The following PANX3 variants were observed in gnomAD, a reference collection of about 807,000 sequenced individuals.
PANX3 encodes the protein pannexin-3.
In PANX3, 18 loss-of-function variants were observed where a neutral mutation model predicts 31.5. The ratio of observed to expected loss-of-function variants is 0.57; its 90% CI spans 0.39 to 0.85. PANX3 has a LOEUF of 0.85. PANX3 is among the 40% of genes least tolerant of loss of function. The pLI, the probability that PANX3 is intolerant of heterozygous loss-of-function variation, is 0.00. For missense variants in PANX3, 426 were observed against 485.4 expected (o/e 0.88, Z 1.15); for synonymous variants, 194 against 201.6 (o/e 0.96, Z 0.32).
At chr11:124,618,535 C>T (rs936864200) in intron 3 of PANX3, among the ~76,000 whole-genome samples, 23 of 152,346 alleles carry the variant, frequency 1.5e-4, no homozygotes, top group African/African-American at 5.3e-4. Context: ...TACCTGAACA[C>T]CAAAGCTCTC....
rs1013701937 is a variant in PANX3 at position 124,611,492 on chromosome 11, G to A, written c.-65G>A. The A allele has an allele frequency of 4.7e-6, 7 of 1,483,188 alleles. No homozygotes were observed. The highest frequency in any genetic ancestry group is 1.4e-5 in the African/African-American group (1 of 71,840). 91.9% of individuals were successfully genotyped at this position (1,483,188 alleles called of 1,614,324 possible). On this transcript the variant is annotated 5_prime_UTR_variant, in exon 1 of 4. Transcript: ENST00000284288. ...CCAAAGTCAGCTGCCTGAAGCTGCC[G>A]TCTCCTCATTCCACCATCCCAGGAC... is the stretch of plus-strand genomic sequence containing the variant.
intron 2 of PANX3, among the ~76,000 whole-genome samples, chr11:124,614,297 T>G (rs1863128397): frequency 6.6e-6 from 1 of 152,202 alleles, no homozygotes; most frequent in Non-Finnish European, 1.5e-5. Flanking sequence ...GGAGTTGTTT[T>G]GTGCTTGTCA....
intron 1 of PANX3, 30 bp from the exon 2 acceptor site, chr11:124,612,950 G>T (rs749698319): frequency 6.2e-7 from 1 of 1,610,734 alleles, no homozygotes; most frequent in Admixed American, 1.7e-5. Context: ...CTCCAACTCA[G>T]GCGGCCTCAA....
chr11:124,611,615 G>T lies in PANX3; in HGVS notation c.59G>T (p.Arg20Leu). 6.2e-7 allele frequency: 1 copy of T among 1,614,086 alleles called. No homozygotes were observed. The highest frequency in any genetic ancestry group is 1.1e-5 in the South Asian group (1 of 91,056). Residue 20 changes from arginine (R) to leucine (L), a missense_variant, in exon 1 of 4, where the codon CGC (arginine) becomes CTC (leucine). Arg to Leu is a moderately radical substitution (Grantham distance 102). Coordinates refer to ENST00000284288, the MANE Select transcript of PANX3 (RefSeq NM_052959.3). ...YMLSDALLPD[R>L]RGPRLKGLRL... is the part of the protein sequence containing the mutation. ...CTCTCAGATGCCCTGCTGCCTGACC[G>T]CAGGGGACCCCGCCTCAAAGGACTG...
intron 1 of PANX3, among the ~76,000 whole-genome samples, chr11:124,612,448 C>T (rs998189673): frequency 2.0e-5 from 3 of 152,222 alleles, no homozygotes; most frequent in Non-Finnish European, 4.4e-5. Flanking sequence ...CTCCCACCGC[C>T]TCTTTATTCA....
intron 3 of PANX3, among the ~76,000 whole-genome samples, chr11:124,619,001 T>A (rs1487824148): frequency 1.3e-5 from 2 of 152,190 alleles, no homozygotes; most frequent in East Asian, 3.8e-4. Flanking sequence ...TACCTAAAGA[T>A]CCTACTTCAG....
chr11:124,613,497 G>A (rs1237383963), intron 2 of PANX3, among the ~76,000 whole-genome samples: 1 of 152,102 alleles, frequency 6.6e-6, no homozygotes, highest in Non-Finnish European at 1.5e-5. Context: ...AATTAAGCCA[G>A]GCTGCCAACC....
rs752508819 is a variant in PANX3, at chr11:124,619,456, G to A, written c.700G>A (p.Val234Ile). The stretch of plus-strand genomic sequence containing the variant: ...ATACCTTGGTCATTTCCATCTGGAT[G>A]TCTTCTTCCAGGAAGAATTCAGCTG... The part of the protein sequence containing the change: ...YLYLGHFHLD[V>I]FFQEEFSCSI... Residue 234 changes from valine (V) to isoleucine (I), a missense_variant, in exon 4 of 4, where the codon GTC becomes ATC. Physicochemically the swap from Val to Ile is conservative, Grantham distance 29. Coordinates refer to ENST00000284288, the MANE Select transcript of PANX3 (RefSeq NM_052959.3). The A allele has an allele frequency of 6.2e-7, 1 of 1,614,166 alleles. No homozygotes were observed. Among genetic ancestry groups the A allele is most frequent in the Non-Finnish European group, 8.5e-7 (1 of 1,180,050 alleles).
intron 2 of PANX3, among the ~76,000 whole-genome samples, chr11:124,613,826 T>C (rs1863121009): frequency 6.6e-6 from 1 of 152,170 alleles, no homozygotes. Flanking sequence ...ACAGCCTGCC[T>C]GTCCCTGCCT....
chr11:124,613,483 T>G (rs945963681), intron 2 of PANX3, among the ~76,000 whole-genome samples: 3 of 152,042 alleles, frequency 2.0e-5, no homozygotes, highest in Admixed American at 1.3e-4. Flanking sequence ...CGGGGTGCAG[T>G]TGGAATTAAG....
chr11:124,612,967 G>C lies in PANX3; in HGVS notation c.182-13G>C. The C allele has an allele frequency of 1.1e-5, 18 of 1,613,532 alleles. No individual in the cohort carries two copies. The highest frequency in any genetic ancestry group is 1.5e-5 in the Non-Finnish European group (18 of 1,179,648). ...CCAACTCAGGCGGCCTCAAAGCTGT[G>C]TTCCTGTTGCAGGGTCTCCGATCAG... On this transcript the variant is annotated splice_polypyrimidine_tract_variant and intron_variant, in intron 1 of 3. Coordinates refer to ENST00000284288, the MANE Select transcript of PANX3 (RefSeq NM_052959.3).
At chr11:124,613,962 T>TCCTAGTGTCAA (rs1219875517) in intron 2 of PANX3, among the ~76,000 whole-genome samples, 2 of 152,092 alleles carry the variant, frequency 1.3e-5, no homozygotes, top group African/African-American at 4.8e-5. Context: ...CTTATTGTCA[T>TCCTAGTGTCAA]CCTAGTGGGG....
rs267602763 is a variant in PANX3, at chr11:124,611,626, C to A, written c.70C>A (p.Arg24Ser). The A allele has an allele frequency of 1.2e-6, 2 of 1,614,152 alleles. No individual in the cohort carries two copies. The highest frequency in any genetic ancestry group is 3.3e-5 in the Admixed American group (2 of 60,028). Residue 24 changes from arginine to serine, a missense_variant, in exon 1 of 4, where the codon CGC (arginine) becomes AGC (serine). By Grantham distance (110) the Arg-to-Ser change is moderately radical. Transcript: ENST00000284288. ...DALLPDRRGP[R>S]LKGLRLELPL... is the part of the protein sequence containing the mutation. ...CCTGCTGCCTGACCGCAGGGGACCC[C>A]GCCTCAAAGGACTGCGTCTGGAACT... is the stretch of plus-strand genomic sequence containing the variant.
intron 3 of PANX3, 46 bp from the exon 4 acceptor site, chr11:124,619,250 T>G (rs1461282847): frequency 3.2e-6 from 5 of 1,565,402 alleles, no homozygotes; most frequent in Admixed American, 3.6e-5. Context: ...AGAGTATGGT[T>G]CTAAATGGTC....
rs1254430380 is a variant in PANX3, at chr11:124,616,611, C to T, written c.325-663C>T. Among the ~76,000 whole-genome samples, 1 of 152,190 alleles carries T rather than the reference C, an allele frequency of 6.6e-6. No homozygotes were observed. Among genetic ancestry groups the T allele is most frequent in the Non-Finnish European group, 1.5e-5 (1 of 68,040 alleles). On this transcript the variant is annotated intron_variant, in intron 2 of 3. Transcript: ENST00000284288. This position sits in a 1 kb window ranked among gnomAD's most constrained non-coding sequence, Gnocchi z 4.8. ...GCTAATGATGCAGTCATTGAGCAGA[C>T]AAGGCTTATGGATTCCTGAAAGTCA...
At position 124,617,334 on chromosome 11, in the gene PANX3, C is replaced by A; in HGVS notation, c.385C>A (p.Gln129Lys). ...CATGTACCTGCCGGTGCTGCTGTGG[C>A]AGTATGCAGCTGTGCCAGCCCTCAG... ...LLMYLPVLLW[Q>K]YAAVPALSSD... The change falls in exon 3 of 4, where the codon CAG (glutamine) becomes AAG (lysine). Residue 129 changes from glutamine to lysine, a missense_variant. Physicochemically the swap from Gln to Lys is moderately conservative, Grantham distance 53. Transcript: ENST00000284288. 2 of 1,612,224 alleles carry A rather than the reference C, an allele frequency of 1.2e-6. No homozygotes were observed. The highest frequency in any genetic ancestry group is 1.7e-6 in the Non-Finnish European group (2 of 1,180,030).
In PANX3 at chr11:124,619,461, C is replaced by A. The variant is rs756002737; in HGVS notation, c.705C>A (p.Phe235Leu). The change falls in exon 4 of 4, where the codon TTC becomes TTA. Residue 235 changes from phenylalanine to leucine, a missense_variant. Coordinates refer to ENST00000284288, the MANE Select transcript of PANX3 (RefSeq NM_052959.3). Reference protein sequence around the residue: ...LYLGHFHLDVFFQEEFSCSIK... With the variant: ...LYLGHFHLDVLFQEEFSCSIK... Reference sequence around the variant, plus strand: ...TTGGTCATTTCCATCTGGATGTCTTCTTCCAGGAAGAATTCAGCTGCTCCA... The same window carrying A: ...TTGGTCATTTCCATCTGGATGTCTTATTCCAGGAAGAATTCAGCTGCTCCA... 6.2e-7 allele frequency: 1 copy of A among 1,614,096 alleles called. No homozygotes were observed. The highest frequency in any genetic ancestry group is 8.5e-7 in the Non-Finnish European group (1 of 1,180,054).
At chr11:124,612,928 C>T (rs2134309495) in intron 1 of PANX3, 52 bp from the exon 2 acceptor site, 1 of 1,600,082 alleles carries the variant, frequency 6.2e-7, no homozygotes, top group East Asian at 2.2e-5. Context: ...CCCCTGAGTC[C>T]CCACTCCTCC....
Position 124,617,279 on chromosome 11 carries a change from C to T in PANX3, c.330C>T (p.Leu110=), listed in dbSNP as rs749024156. 1.9e-6 allele frequency: 3 copies of T among 1,604,318 alleles called. No homozygotes were observed. The highest frequency in any genetic ancestry group is 1.1e-5 in the South Asian group (1 of 90,922). Residue 110 remains leucine, a synonymous_variant, in exon 3 of 4, where the codon CTC becomes CTT. Transcript: ENST00000284288. The stretch of plus-strand genomic sequence containing the variant: ...CAGCTGCTCTCGCCCTGCAGGCCCT[C>T]CCCTACTCCCTGCTGGCCCTGGCCT... ...KMKSLWPHKA[L]PYSLLALALL...
Sources: allele counts gnomAD v4.1 joint callset (sites outside exome capture counted in the v4.1 genomes callset), GRCh38; gene constraint gnomAD v4.1.1; non-coding constraint Gnocchi (gnomAD v3.1); transcripts MANE v1.5; gene names NCBI Gene and HGNC (gene_info 2026-07-23, HGNC 2026-07-21).